Variants in BAIAP2L1 observed in about 807,000 individuals in gnomAD.
BAIAP2L1 encodes the protein BAR/IMD domain-containing adapter protein 2-like 1.
BAIAP2L1 carries 35 observed loss-of-function variants against 66.3 expected under a neutral mutation model. The ratio of observed to expected loss-of-function variants is 0.53; its 90% CI spans 0.40 to 0.70. The LOEUF is 0.70. Ranked by LOEUF, BAIAP2L1 falls within the 30% of genes least tolerant of loss-of-function variation. The pLI, the probability that BAIAP2L1 is intolerant of heterozygous loss-of-function variation, is 0.00. For synonymous variants in BAIAP2L1, 269 were observed against 248.7 expected (o/e 1.08, Z -0.77); for missense variants, 622 against 656.9 (o/e 0.95, Z 0.58).
At chr7:98,334,523 C>T (rs1394087638) in intron 3 of BAIAP2L1, among the ~76,000 whole-genome samples, 1 of 152,014 alleles carries the variant, frequency 6.6e-6, no homozygotes, top group Non-Finnish European at 1.5e-5. Flanking sequence ...CAGCCTGGCA[C>T]ACAAAATAAC....
chr7:98,313,733 C>T (rs2116882591), intron 7 of BAIAP2L1, among the ~76,000 whole-genome samples: 1 of 152,192 alleles, frequency 6.6e-6, no homozygotes, highest in East Asian at 1.9e-4. Context: ...ATCCTTCCAC[C>T]TCAGCCTCCT....
intron 5 of BAIAP2L1, among the ~76,000 whole-genome samples, 181 bp downstream of exon 5, chr7:98,319,877 T>C (rs1801195273): frequency 6.6e-6 from 1 of 152,066 alleles, no homozygotes; most frequent in Admixed American, 6.6e-5. Flanking sequence ...AGATCCCAAG[T>C]GTTAGCGAAA....
At position 98,338,480 on chromosome 7, in the gene BAIAP2L1, G is replaced by A. The variant is rs558903296; in HGVS notation, c.214+16562C>T. Among the ~76,000 whole-genome samples the A allele has an allele frequency of 3.5e-4, 53 of 149,768 alleles. 1 individual carries two copies. Among genetic ancestry groups the A allele is most frequent in the African/African-American group, 1.2e-3 (48 of 40,744 alleles). On this transcript the variant is annotated intron_variant, in intron 3 of 13. Coordinates refer to ENST00000005260, the MANE Select transcript of BAIAP2L1 (RefSeq NM_018842.5). ...CAGCCATTCCCCATTCCCCTTTCTC[G>A]CATGAAGCCTCAAAATCTGCCTTCT...
intron 1 of BAIAP2L1, among the ~76,000 whole-genome samples, chr7:98,374,835 C>T (rs766793615): frequency 6.6e-6 from 1 of 152,068 alleles, no homozygotes; most frequent in South Asian, 2.1e-4. Context: ...CCTGTAATTC[C>T]AGCACTTTGG....
At chr7:98,321,009 A>G (rs546546602) in intron 3 of BAIAP2L1, among the ~76,000 whole-genome samples, 26 of 152,114 alleles carry the variant, frequency 1.7e-4, no homozygotes, top group Non-Finnish European at 3.7e-4. Context: ...GGCGTGCACC[A>G]CCACACTCAG....
intron 3 of BAIAP2L1, among the ~76,000 whole-genome samples, chr7:98,350,413 T>C (rs1801975049): frequency 6.6e-6 from 1 of 150,908 alleles, no homozygotes. Flanking sequence ...ATCCCAGCAC[T>C]TTGGGAGGCT....
chr7:98,313,337 G>A (rs2116881381), intron 7 of BAIAP2L1, among the ~76,000 whole-genome samples: 1 of 152,244 alleles, frequency 6.6e-6, no homozygotes, highest in African/African-American at 2.4e-5. Context: ...ACTCTAGAAA[G>A]CATTACTGGG....
At chr7:98,324,763 C>A (rs559687481) in intron 3 of BAIAP2L1, among the ~76,000 whole-genome samples, 2 of 152,136 alleles carry the variant, frequency 1.3e-5, no homozygotes, top group East Asian at 1.9e-4. Context: ...CAGAGCAAGA[C>A]CCTGTCTCCA....
rs1325890846 is a variant in BAIAP2L1 at position 98,307,685 on chromosome 7, T to A, written c.1163+4A>T. The A allele has an allele frequency of 1.9e-6, 3 of 1,613,742 alleles. No individual in the cohort carries two copies. The highest frequency in any genetic ancestry group is 2.5e-6 in the Non-Finnish European group (3 of 1,180,040). ...CCTGCGGGGACCATCACGCCCAGAC[T>A]TACGCCTTGGACACGTCGTGTTCTC... On this transcript the variant is annotated splice_donor_region_variant and intron_variant, in intron 10 of 13. Transcript: ENST00000005260.
At chr7:98,346,994 AAACAACAAC>A (rs71515213) in intron 3 of BAIAP2L1, among the ~76,000 whole-genome samples, 198 of 151,234 alleles carry the variant, frequency 1.3e-3, no homozygotes, top group Middle Eastern at 3.4e-3. Context: ...GATGCCAGCA[AAACAACAAC>A]AACAACAACA....
At chr7:98,299,696 G>C (rs1800340156) in intron 12 of BAIAP2L1, among the ~76,000 whole-genome samples, 1 of 152,176 alleles carries the variant, frequency 6.6e-6, no homozygotes, top group South Asian at 2.1e-4. Context: ...TATTTTGTAT[G>C]ATCTATTCCT....
chr7:98,328,128 A>G (rs1801413255), intron 3 of BAIAP2L1, among the ~76,000 whole-genome samples: 1 of 152,108 alleles, frequency 6.6e-6, no homozygotes, highest in South Asian at 2.1e-4. Flanking sequence ...TTTTCATACT[A>G]AAAAGTCAGA....
Position 98,292,785 on chromosome 7 carries a change from G to A in BAIAP2L1, c.*736C>T, listed in dbSNP as rs931342280. On this transcript the variant is annotated 3_prime_UTR_variant, in exon 14 of 14. Coordinates refer to ENST00000005260, the MANE Select transcript of BAIAP2L1 (RefSeq NM_018842.5). ...TAGCTGAGTGAGAACACAAGGAGCC[G>A]TGACTCCGACGCCCAGGCCTGTGTC... The A allele has an allele frequency of 3.0e-5, 46 of 1,545,164 alleles. No individual in the cohort carries two copies. The African/African-American group carries it at 4.0e-4, about 13-fold the overall frequency.
intron 5 of BAIAP2L1, among the ~76,000 whole-genome samples, chr7:98,319,149 A>G (rs1398739583): frequency 6.6e-6 from 1 of 152,016 alleles, no homozygotes; most frequent in African/African-American, 2.4e-5. Flanking sequence ...TCGCACACTC[A>G]CTGCCACATG....
chr7:98,351,095 G>A (rs934882410), intron 3 of BAIAP2L1, among the ~76,000 whole-genome samples: 1 of 152,034 alleles, frequency 6.6e-6, no homozygotes, highest in African/African-American at 2.4e-5. Context: ...TCCTGACCTC[G>A]GGTGATCCGC....
At chr7:98,334,049 T>G (rs919890671) in intron 3 of BAIAP2L1, among the ~76,000 whole-genome samples, 2 of 152,180 alleles carry the variant, frequency 1.3e-5, no homozygotes, top group African/African-American at 2.4e-5. Flanking sequence ...CATTTTAAAA[T>G]GAAAGTACAT....
At chr7:98,380,054 C>T (rs750464131) in intron 1 of BAIAP2L1, among the ~76,000 whole-genome samples, 16 of 150,950 alleles carry the variant, frequency 1.1e-4, no homozygotes, top group East Asian at 9.7e-4. Context: ...AATTTTATAA[C>T]GTATAAATTA....
intron 1 of BAIAP2L1, among the ~76,000 whole-genome samples, chr7:98,389,398 A>T (rs1249076196): frequency 6.6e-6 from 1 of 152,034 alleles, no homozygotes; most frequent in Non-Finnish European, 1.5e-5. Context: ...AGCTCACTGC[A>T]ACCTCCGCCT....
intron 12 of BAIAP2L1, among the ~76,000 whole-genome samples, chr7:98,296,402 C>G (rs1460431161): frequency 6.6e-6 from 1 of 152,166 alleles, no homozygotes; most frequent in East Asian, 1.9e-4. Context: ...GAGGTGGGCG[C>G]ATCACCTGAG....
Sources: allele counts gnomAD v4.1 joint callset (sites outside exome capture counted in the v4.1 genomes callset), GRCh38; gene constraint gnomAD v4.1.1; transcripts MANE v1.5; gene names NCBI Gene and HGNC (gene_info 2026-07-23, HGNC 2026-07-21).